The following RORA variants were observed in gnomAD, a reference collection of about 807,000 sequenced individuals.
The protein encoded by RORA is nuclear receptor ROR-alpha.
RORA carries 7 observed loss-of-function variants against 69.5 expected under a neutral mutation model. That is an observed-to-expected ratio of 0.10 (90% confidence interval 0.06 to 0.19). The LOEUF (loss-of-function observed/expected upper bound fraction) is 0.19. Among genes scored for constraint, RORA ranks in the 10% least tolerant of loss-of-function variants. The pLI, the probability that RORA is intolerant of heterozygous loss-of-function variation, is 1.00. For synonymous variants in RORA, 261 were observed against 240.8 expected, an observed-to-expected ratio of 1.08 and a Z score of -0.78; for missense variants, 457 against 663.0, an observed-to-expected ratio of 0.69 and a Z score of 3.41.
chr15:61,216,843 T>C (rs760389551), intron 1 of RORA, among the ~76,000 whole-genome samples: 17 of 152,194 alleles, frequency 1.1e-4, no homozygotes, highest in African/African-American at 1.4e-4. Flanking sequence ...GTCACACGGC[T>C]AGCACAGCAC....
intron 2 of RORA, among the ~76,000 whole-genome samples, chr15:60,540,554 A>C (rs2066830971): frequency 1.9e-5 from 2 of 105,362 alleles, no homozygotes; most frequent in Admixed American, 1.2e-4. Context: ...CCACCTGCAC[A>C]ATTTCCATGA....
intron 1 of RORA, among the ~76,000 whole-genome samples, chr15:60,995,065 TA>T (rs1346964093): frequency 1.3e-5 from 2 of 152,078 alleles, no homozygotes; most frequent in East Asian, 1.9e-4. Context: ...AAGATTGTTA[TA>T]AAAAGATTTT....
intron 1 of RORA, among the ~76,000 whole-genome samples, chr15:60,852,966 A>C (rs2073341452): frequency 6.6e-6 from 1 of 152,204 alleles, no homozygotes; most frequent in African/African-American, 2.4e-5. Flanking sequence ...TGCTGACAGC[A>C]TCTCCCCCTG....
At chr15:60,781,895 A>C (rs2072265331) in intron 1 of RORA, among the ~76,000 whole-genome samples, 1 of 152,152 alleles carries the variant, frequency 6.6e-6, no homozygotes, top group South Asian at 2.1e-4. Flanking sequence ...CGTGAACTGG[A>C]CTCAGCCCCT....
intron 1 of RORA, among the ~76,000 whole-genome samples, chr15:60,939,583 C>T (rs899709294): frequency 1.1e-4 from 16 of 152,190 alleles, no homozygotes; most frequent in African/African-American, 3.6e-4. Flanking sequence ...CAGAGGGAGC[C>T]GTGCCAGCCT....
intron 1 of RORA, among the ~76,000 whole-genome samples, chr15:60,867,699 C>T (rs1323827630): frequency 6.6e-6 from 1 of 152,096 alleles, no homozygotes; most frequent in Non-Finnish European, 1.5e-5. Context: ...TTTGTTGAGG[C>T]TACAGCTACC....
chr15:61,079,271 A>C (rs1350721024), intron 1 of RORA, among the ~76,000 whole-genome samples: 1 of 152,230 alleles, frequency 6.6e-6, no homozygotes, highest in Non-Finnish European at 1.5e-5. Flanking sequence ...AAAGGTACTT[A>C]CTATTTAAAA....
chr15:60,667,355 G>A (rs565190783), intron 2 of RORA, among the ~76,000 whole-genome samples: 1 of 152,250 alleles, frequency 6.6e-6, no homozygotes, highest in South Asian at 2.1e-4. Flanking sequence ...ATGGTTTGTT[G>A]TTTCCTGTGT....
At chr15:60,860,580 C>T (rs1355885478) in intron 1 of RORA, among the ~76,000 whole-genome samples, 3 of 152,186 alleles carry the variant, frequency 2.0e-5, no homozygotes, top group East Asian at 3.8e-4. Flanking sequence ...CATCAACCCA[C>T]GGTCATGGCC....
At chr15:61,052,254 A>G (rs1229526566) in intron 1 of RORA, among the ~76,000 whole-genome samples, 1 of 152,166 alleles carries the variant, frequency 6.6e-6, no homozygotes, top group Non-Finnish European at 1.5e-5. Flanking sequence ...AAGCCTTATT[A>G]AGGTTGAGGA....
chr15:60,561,736 CAT>C (rs2067565937), intron 2 of RORA, among the ~76,000 whole-genome samples: 1 of 152,036 alleles, frequency 6.6e-6, no homozygotes, highest in African/African-American at 2.4e-5. Flanking sequence ...AGCTCAGAAC[CAT>C]ATGAGCTATA....
In RORA at chr15:60,794,052, G is replaced by C. The variant is rs111566046; in HGVS notation, c.167-115366C>G. ...GAAAAATACAGTCCCTTCTTTGGCA[G>C]CCTTTTTACAATTCTGCTGAGTGCC... On this transcript the variant is annotated intron_variant, in intron 1 of 10. Transcript: ENST00000335670. Among the ~76,000 whole-genome samples the C allele has an allele frequency of 2.1e-3, 321 of 152,300 alleles. 3 individuals are homozygous for C. The highest frequency in any genetic ancestry group is 3.4e-3 in the Middle Eastern group (1 of 294).
chr15:60,867,060 T>C (rs2073498113), intron 1 of RORA, among the ~76,000 whole-genome samples: 1 of 152,166 alleles, frequency 6.6e-6, no homozygotes, highest in East Asian at 1.9e-4. Flanking sequence ...GAGACGGGGT[T>C]TCGCCATGTT....
intron 1 of RORA, among the ~76,000 whole-genome samples, chr15:60,758,166 G>A (rs1171283321): frequency 2.6e-5 from 4 of 152,110 alleles, no homozygotes; most frequent in Admixed American, 6.5e-5. Context: ...ACTTTCATTT[G>A]TTCACCTCTA....
intron 8 of RORA, among the ~76,000 whole-genome samples, chr15:60,502,243 G>A (rs746587168): frequency 6.6e-6 from 1 of 152,188 alleles, no homozygotes; most frequent in Non-Finnish European, 1.5e-5. Flanking sequence ...GCCTCCCAAA[G>A]TGCTGCTATT....
intron 1 of RORA, among the ~76,000 whole-genome samples, chr15:61,173,093 A>G (rs936483584): frequency 6.6e-6 from 1 of 152,040 alleles, no homozygotes; most frequent in Non-Finnish European, 1.5e-5. Flanking sequence ...CCTGGTATTA[A>G]TAACATTTTT....
intron 3 of RORA, among the ~76,000 whole-genome samples, 166 bp from the exon 4 acceptor site, chr15:60,514,923 C>A (rs547052667): frequency 6.6e-6 from 1 of 152,216 alleles, no homozygotes; most frequent in Non-Finnish European, 1.5e-5. Context: ...CTTCTTTTTC[C>A]TTGAGTAAAA....
intron 2 of RORA, among the ~76,000 whole-genome samples, chr15:60,576,545 G>C (rs976831548): frequency 6.6e-6 from 1 of 152,194 alleles, no homozygotes; most frequent in Non-Finnish European, 1.5e-5. Flanking sequence ...CTTTCTAACT[G>C]CATGTTATTT....
At chr15:61,219,197 C>A in intron 1 of RORA, among the ~76,000 whole-genome samples, 1 of 152,194 alleles carries the variant, frequency 6.6e-6, no homozygotes, top group Non-Finnish European at 1.5e-5. Flanking sequence ...CAATGTTCCA[C>A]TAATAATGCA....
Sources: allele counts gnomAD v4.1 joint callset (sites outside exome capture counted in the v4.1 genomes callset), GRCh38; gene constraint gnomAD v4.1.1; transcripts MANE v1.5; gene names NCBI Gene and HGNC (gene_info 2026-07-23, HGNC 2026-07-21).